MYH15: variants seen among roughly 807,000 people sequenced by gnomAD.
MYH15 encodes the protein myosin heavy chain 15.
MYH15 carries 227 observed loss-of-function variants against 240.5 expected under a neutral mutation model. The observed-to-expected ratio is 0.94, with a 90% CI of 0.85 to 1.05. The LOEUF is 1.05. Ranked by LOEUF, MYH15 falls within the 50% of genes least tolerant of loss-of-function variation. The probability of loss-of-function intolerance (pLI) is 0.00; values close to 1 mark genes in which losing one functional copy is unlikely to be tolerated. For missense variants in MYH15, 2,217 were observed against 2,247.5 expected, an observed-to-expected ratio of 0.99 and a Z score of 0.27; for synonymous variants, 785 against 796.7, an observed-to-expected ratio of 0.99 and a Z score of 0.25.
upstream of MYH15, among the ~76,000 whole-genome samples, chr3:108,513,556 C>T (rs1457454646): frequency 2.0e-5 from 3 of 152,134 alleles, no homozygotes; most frequent in Admixed American, 6.5e-5. Flanking sequence ...CAGAAGTGTG[C>T]ATACAATTCA....
chr3:108,533,116 A>G (rs2083722360), upstream of MYH15, among the ~76,000 whole-genome samples: 1 of 114,486 alleles, frequency 8.7e-6, no homozygotes, highest in Non-Finnish European at 1.8e-5. Context: ...AAACAATAAA[A>G]GCTTTTTTTT....
intron 38 of MYH15, among the ~76,000 whole-genome samples, chr3:108,385,093 A>C (rs1286277965): frequency 6.6e-6 from 1 of 152,212 alleles, no homozygotes; most frequent in Non-Finnish European, 1.5e-5. Flanking sequence ...CTGTATACTT[A>C]AAATTAGTAG....
intron 12 of MYH15, among the ~76,000 whole-genome samples, chr3:108,471,123 G>A (rs1031793546): frequency 1.3e-5 from 2 of 150,384 alleles, no homozygotes; most frequent in Admixed American, 6.7e-5. Context: ...AAATGAAGGG[G>A]AGAGGAAGGG....
intron 1 of MYH15, among the ~76,000 whole-genome samples, chr3:108,507,446 T>C (rs1032645469): frequency 3.6e-5 from 2 of 55,974 alleles, no homozygotes; most frequent in East Asian, 1.9e-4. Context: ...TAATGCGAAC[T>C]CAGTCACCAA....
chr3:108,445,947 A>T (rs946734602), intron 21 of MYH15, among the ~76,000 whole-genome samples: 1 of 152,108 alleles, frequency 6.6e-6, no homozygotes, highest in Non-Finnish European at 1.5e-5. Flanking sequence ...GGGGAAAAAA[A>T]ACTAGTGAAT....
intron 28 of MYH15, among the ~76,000 whole-genome samples, chr3:108,418,734 C>T (rs1483601582): frequency 3.0e-5 from 4 of 134,962 alleles, no homozygotes; most frequent in Non-Finnish European, 6.3e-5. Context: ...CAGGTTCAAG[C>T]GATTCTCCTG....
At position 108,428,780 on chromosome 3, in the gene MYH15, C is replaced by T. The variant is rs267599528; in HGVS notation, c.3414G>A (p.Leu1138=). The stretch of plus-strand genomic sequence containing the variant: ...CTCCTACCTCCTCCAGCCTCTCATT[C>T]AAGTCAGCCAGGTCTTGGGTGAGGT... ...RADLTQDLAD[L]NERLEEVGGS... Residue 1138 remains leucine, a synonymous_variant, in exon 27 of 41, where the codon TTG becomes TTA. Coordinates refer to ENST00000693548, the MANE Select transcript of MYH15 (RefSeq NM_014981.3). 1 of 1,614,048 alleles carries T rather than the reference C, an allele frequency of 6.2e-7. No homozygotes were observed. Among genetic ancestry groups the T allele is most frequent in the Non-Finnish European group, 8.5e-7 (1 of 1,180,014 alleles).
upstream of MYH15, among the ~76,000 whole-genome samples, chr3:108,533,151 CAGG>C (rs1228168482): frequency 1.8e-5 from 2 of 110,200 alleles, no homozygotes; most frequent in East Asian, 3.3e-4. Flanking sequence ...GAGTATTGAG[CAGG>C]AGGTTAGGCA....
At position 108,421,173 on chromosome 3, in the gene MYH15, C is replaced by G. The variant is rs764759782; in HGVS notation, c.3744G>C (p.Leu1248Phe). 6 of 1,613,800 alleles carry G rather than the reference C, an allele frequency of 3.7e-6. No individual in the cohort carries two copies. The African/African-American group carries it at 6.7e-5, about 18-fold the overall frequency. The change falls in exon 28 of 41, where the codon TTG (leucine) becomes TTC (phenylalanine). Residue 1248 changes from leucine (L) to phenylalanine (F), a missense_variant. Coordinates refer to ENST00000693548, the MANE Select transcript of MYH15 (RefSeq NM_014981.3). ...TATCTAGCTTTGCAGTTGCTTCATG[C>G]AAGCGCTCTTCATATAGAGTACAGA... ...EKLCTLYEERLHEATAKLDKV... is the reference protein window; with the variant it reads ...EKLCTLYEERFHEATAKLDKV...
At chr3:108,536,992 T>TA in the MYH15 span, among the ~76,000 whole-genome samples, 1 of 152,168 alleles carries the variant, frequency 6.6e-6, no homozygotes, top group Non-Finnish European at 1.5e-5. Context: ...ACGTGGCAAA[T>TA]ACACTGGATA....
rs776138024 is a variant in MYH15 at position 108,470,744 on chromosome 3, T to G, written c.1337A>C (p.Gln446Pro). 1.9e-6 allele frequency: 3 copies of G among 1,613,864 alleles called. No homozygotes were observed. The Admixed American group carries it at 5.0e-5, about 27-fold the overall frequency. The change falls in exon 13 of 41, where the codon CAG (glutamine) becomes CCG (proline). Residue 446 changes from glutamine (Q) to proline (P), a missense_variant. Physicochemically the swap from Gln to Pro is moderately conservative, Grantham distance 76. Coordinates refer to ENST00000693548, the MANE Select transcript of MYH15 (RefSeq NM_014981.3). ...NRALDAKLSR[Q>P]FFIGILDITG... ...GATGTCAAGAATGCCAATGAAGAAC[T>G]GCCTTGACAGCTTGGCATCCAGGGC...
intron 27 of MYH15, 112 bp downstream of exon 27, chr3:108,428,379 GA>G (rs1338225958): frequency 7.8e-7 from 1 of 1,289,730 alleles, no homozygotes; most frequent in Non-Finnish European, 1.1e-6. Flanking sequence ...GTCTTCATTA[GA>G]AAATACACTG....
chr3:108,456,846 G>A lies in MYH15; in HGVS notation c.2058C>T (p.Arg686=). The A allele has an allele frequency of 3.7e-6, 6 of 1,613,434 alleles. No homozygotes were observed. Among genetic ancestry groups the A allele is most frequent in the Non-Finnish European group, 5.1e-6 (6 of 1,179,638 alleles). The change falls in exon 19 of 41, where the codon CGC becomes CGT. Residue 686 remains arginine, a synonymous_variant. Coordinates refer to ENST00000693548, the MANE Select transcript of MYH15 (RefSeq NM_014981.3). ...TAGTCCCTTCCAAGACACCATTACA[G>A]CGCAACTGCTGTAGAACCAAGTAAG... ...LDPYLVLQQL[R]CNGVLEGTRI...
chr3:108,414,147 C>A, intron 30 of MYH15, 85 bp downstream of exon 30: 1 of 1,413,348 alleles, frequency 7.1e-7, no homozygotes, highest in South Asian at 1.3e-5. Flanking sequence ...TAAGTGCATA[C>A]CATGAGGCCT....
Position 108,428,770 on chromosome 3 carries a change from G to T in MYH15, c.3424C>A (p.Leu1142Met), listed in dbSNP as rs558561858. ...AAACTGGATCCTCCTACCTCCTCCA[G>T]CCTCTCATTCAAGTCAGCCAGGTCT... ...TQDLADLNER[L>M]EEVGGSSLAQ... Residue 1142 changes from leucine to methionine, a missense_variant, in exon 27 of 41, where the codon CTG (leucine) becomes ATG (methionine). By Grantham distance (15) the Leu-to-Met change is conservative (BLOSUM62 2). Coordinates refer to ENST00000693548, the MANE Select transcript of MYH15 (RefSeq NM_014981.3). 3.9e-5 allele frequency: 63 copies of T among 1,613,742 alleles called. No individual in the cohort carries two copies. Among genetic ancestry groups the T allele is most frequent in the Non-Finnish European group, 5.3e-5 (62 of 1,179,982 alleles).
chr3:108,471,889 T>C (rs953027686), intron 12 of MYH15, among the ~76,000 whole-genome samples: 6 of 152,228 alleles, frequency 3.9e-5, no homozygotes, highest in Non-Finnish European at 5.9e-5. Flanking sequence ...CTAACCCTTG[T>C]TCTGCCACTG....
At chr3:108,525,788 T>C (rs1206984183) in intron 1 of MYH15, among the ~76,000 whole-genome samples, 1 of 152,094 alleles carries the variant, frequency 6.6e-6, no homozygotes, top group Non-Finnish European at 1.5e-5. Context: ...CTATCTGCTG[T>C]TTGGACCCGA....
chr3:108,423,302 A>G (rs936406246), intron 27 of MYH15, among the ~76,000 whole-genome samples: 2 of 152,180 alleles, frequency 1.3e-5, no homozygotes, highest in African/African-American at 2.4e-5. Context: ...TATTCTCTGA[A>G]AGACTACTGA....
the MYH15 span, among the ~76,000 whole-genome samples, chr3:108,535,480 A>G: frequency 6.6e-6 from 1 of 151,976 alleles, no homozygotes; most frequent in East Asian, 1.9e-4. Context: ...TGACCTAGTT[A>G]CCTCCCAAAG....
Sources: gnomAD v4.1 joint callset for allele counts (sites outside exome capture counted in the v4.1 genomes callset) on GRCh38, gnomAD v4.1.1 for gene constraint, MANE v1.5 for transcripts, NCBI Gene and HGNC (gene_info 2026-07-23, HGNC 2026-07-21) for gene names.